MOG: variants seen among roughly 807,000 people sequenced by gnomAD.
MOG encodes myelin oligodendrocyte glycoprotein, also known as myelin-oligodendrocyte glycoprotein.
Under a neutral mutation model 35.9 loss-of-function variants are expected in MOG, and 20 were observed. That is an observed-to-expected ratio of 0.56 (90% CI 0.39 to 0.81). MOG has a LOEUF of 0.81. MOG is among the 30% of genes least tolerant of loss of function. The probability of loss-of-function intolerance (pLI) is 0.00; values close to 1 mark genes in which losing one functional copy is unlikely to be tolerated. For missense variants in MOG, 251 were observed against 301.0 expected (o/e 0.83, Z 1.23); for synonymous variants, 92 against 114.3 (o/e 0.80, Z 1.25).
chr6:29,659,544 T>C lies in MOG; in HGVS notation c.314T>C (p.Ile105Thr). The C allele has an allele frequency of 1.2e-6, 2 of 1,613,024 alleles. No individual in the cohort carries two copies. Among genetic ancestry groups the C allele is most frequent in the South Asian group, 1.1e-5 (1 of 91,080 alleles). The change falls in exon 2 of 8, where the codon ATT becomes ACT. Residue 105 changes from isoleucine (I) to threonine (T), a missense_variant. Coordinates refer to ENST00000376917, the MANE Select transcript of MOG (RefSeq NM_206809.4). ...RGRTELLKDA[I>T]GEGKVTLRIR... is the part of the protein sequence containing the mutation. The stretch of plus-strand genomic sequence containing the variant: ...CGGACAGAGCTGCTGAAAGATGCTA[T>C]TGGTGAGGGAAAGGTGACTCTCAGG...
intron 2 of MOG, chr6:29,661,997 T>C (rs3117286): frequency 0.036 from 35,277 of 985,306 alleles, 1,293 homozygotes; most frequent in African/African-American, 0.17. Flanking sequence ...GTCTAGGCTT[T>C]GGAGCCAGGA....
intron 2 of MOG, 60 bp from the exon 3 acceptor site, chr6:29,666,092 C>G: frequency 9.6e-7 from 1 of 1,039,544 alleles, no homozygotes; most frequent in Non-Finnish European, 1.5e-6. Flanking sequence ...GCCCCAGACA[C>G]CATGCTGAGT....
intron 2 of MOG, 161 bp downstream of exon 2, chr6:29,659,827 C>A (rs1583090878): frequency 1.5e-6 from 1 of 679,154 alleles, no homozygotes. Flanking sequence ...TTAGGGATGT[C>A]TGTTGCATCA....
chr6:29,666,436 C>T (rs187837243), intron 3 of MOG, among the ~76,000 whole-genome samples, 171 bp downstream of exon 3: 97 of 152,288 alleles, frequency 6.4e-4, no homozygotes, highest in Non-Finnish European at 9.9e-4. Context: ...TTACATCTTA[C>T]GGAATGCTTT....
At chr6:29,661,590 GC>G (rs1252557336) in intron 2 of MOG, 1 of 965,892 alleles carries the variant, frequency 1.0e-6, no homozygotes, top group African/African-American at 1.8e-5. Flanking sequence ...GGAGGCCGAG[GC>G]GGGTGGATCA....
chr6:29,670,071 T>C lies in MOG; in HGVS notation c.593-210T>C. 1.2e-6 allele frequency: 1 copy of C among 868,226 alleles called. No individual in the cohort carries two copies. 53.8% of individuals were successfully genotyped at this position (868,226 alleles called of 1,614,324 possible). ...GGCATGAGCCACCACACCTGGCAGT[T>C]GTTACATTTTTAATGAAAGAAAATG... On this transcript the variant is annotated intron_variant, in intron 5 of 7. Transcript: ENST00000376917. This position sits in a 1 kb window ranked among gnomAD's most constrained non-coding sequence, Gnocchi z 4.2.
intron 2 of MOG, chr6:29,661,374 T>C: frequency 3.0e-6 from 3 of 985,324 alleles, no homozygotes; most frequent in Non-Finnish European, 3.6e-6. Context: ...AGAATGTTCT[T>C]CATACAGCTG....
At chr6:29,658,866 C>T (rs1225315771) in intron 1 of MOG, among the ~76,000 whole-genome samples, 1 of 152,192 alleles carries the variant, frequency 6.6e-6, no homozygotes, top group Non-Finnish European at 1.5e-5. Flanking sequence ...ATAATCCCAG[C>T]GCTTTGGGGC....
chr6:29,670,963 C>A lies in MOG; in HGVS notation c.731-209C>A. 6.2e-7 allele frequency: 1 copy of A among 1,612,310 alleles called. No homozygotes were observed. The highest frequency in any genetic ancestry group is 8.5e-7 in the Non-Finnish European group (1 of 1,179,796). On this transcript the variant is annotated intron_variant, in intron 7 of 7. Coordinates refer to ENST00000376917, the MANE Select transcript of MOG (RefSeq NM_206809.4). This position sits in a 1 kb window ranked among gnomAD's most constrained non-coding sequence, Gnocchi z 4.2. ...CTCCTATCTGCCACCTGATCCATTC[C>A]TCCTTCACTGCCCCTAAGCAGGAAT...
At chr6:29,661,513 T>G (rs1027021678) in intron 2 of MOG, 1 of 985,222 alleles carries the variant, frequency 1.0e-6, no homozygotes, top group African/African-American at 1.7e-5. Context: ...ACTCCCTCAG[T>G]TTCACCACAC....
In MOG at chr6:29,670,349, T is replaced by G; in HGVS notation, c.661T>G (p.Leu221Val). The G allele has an allele frequency of 6.2e-7, 1 of 1,614,180 alleles. No individual in the cohort carries two copies. Among genetic ancestry groups the G allele is most frequent in the Non-Finnish European group, 8.5e-7 (1 of 1,180,026 alleles). Residue 221 changes from leucine to valine, a missense_variant, in exon 6 of 8, where the codon TTG becomes GTG. By Grantham distance (32) the Leu-to-Val change is conservative (BLOSUM62 1). Coordinates refer to ENST00000376917, the MANE Select transcript of MOG (RefSeq NM_206809.4). This position sits in a 1 kb window ranked among gnomAD's most constrained non-coding sequence, Gnocchi z 4.2. ...TGTAATTGTGCCGGTTCTTGGACCC[T>G]TGGTTGCCTTGATCATCTGCTACAA... The part of the protein sequence containing the change: ...LFVIVPVLGP[L>V]VALIICYNWL...
intron 1 of MOG, 118 bp downstream of exon 1, chr6:29,657,415 CCTA>C (rs1417047638): frequency 1.2e-6 from 1 of 815,250 alleles, no homozygotes; most frequent in African/African-American, 1.7e-5. Flanking sequence ...AAAACATAGA[CCTA>C]CTGACATGCC....
Position 29,667,944 on chromosome 6 carries a change from G to C in MOG, c.592+20G>C, listed in dbSNP as rs763054832. The C allele has an allele frequency of 6.2e-7, 1 of 1,612,760 alleles. No homozygotes were observed. On this transcript the variant is annotated intron_variant, in intron 5 of 7. Transcript: ENST00000376917. ...CTTTTGGTAAGTTCCGGCATGTCTA[G>C]GCCCTCCCAGGTCAACTTGGTATTT...
Position 29,662,707 on chromosome 6 carries a change from G to C in MOG, c.436+3041G>C, listed in dbSNP as rs1257029452. 3.0e-4 allele frequency among the ~76,000 whole-genome samples: 46 copies of C among 152,052 alleles called. 1 individual carries two copies. Among genetic ancestry groups the C allele is most frequent in the Admixed American group, 3.0e-3 (46 of 15,256 alleles). ...AGACAGGATCTGTCTCTGTCACCCA[G>C]GCTGGAGTGTAGTGGCATATCTCTG... On this transcript the variant is annotated intron_variant, in intron 2 of 7. Coordinates refer to ENST00000376917, the MANE Select transcript of MOG (RefSeq NM_206809.4). This position sits in a 1 kb window ranked among gnomAD's most constrained non-coding sequence, Gnocchi z 4.2.
rs1318002556 is a variant in MOG, at chr6:29,660,503, A to C, written c.436+837A>C. 1.2e-4 allele frequency among the ~76,000 whole-genome samples: 17 copies of C among 141,602 alleles called. No homozygotes were observed. In the South Asian group the frequency reaches 4.2e-3, roughly 35 times the overall value. 92.9% of individuals were successfully genotyped at this position (141,602 alleles called of 152,430 possible). On this transcript the variant is annotated intron_variant, in intron 2 of 7. Transcript: ENST00000376917. ...CAAAATCCTTCCACTGCACTCCAGCATGGGGGACACAGCGAGACTCCGTCT... is the reference window on the plus strand; with the variant it reads ...CAAAATCCTTCCACTGCACTCCAGCCTGGGGGACACAGCGAGACTCCGTCT...
At chr6:29,669,284 A>ATTTC (rs71820879) in intron 5 of MOG, among the ~76,000 whole-genome samples, 2,919 of 151,020 alleles carry the variant, frequency 0.019, 41 homozygotes, top group Admixed American at 0.036. Context: ...ATAACCTGTA[A>ATTTC]TTTCTTTCTT....
rs1357772290 is a variant in MOG, at chr6:29,662,991, C to A, written c.437-3161C>A. On this transcript the variant is annotated intron_variant, in intron 2 of 7. Coordinates refer to ENST00000376917, the MANE Select transcript of MOG (RefSeq NM_206809.4). This position sits in a 1 kb window ranked among gnomAD's most constrained non-coding sequence, Gnocchi z 4.2. The stretch of plus-strand genomic sequence containing the variant: ...AACACTTTTTAAAAAATAAATAGGC[C>A]GGGCGCGGTGGCTCACACCTGTAAT... Among the ~76,000 whole-genome samples, 3 of 152,116 alleles carry A rather than the reference C, an allele frequency of 2.0e-5. No individual in the cohort carries two copies. The highest frequency in any genetic ancestry group is 7.2e-5 in the African/African-American group (3 of 41,424).
chr6:29,669,661 G>T (rs1480630107), intron 5 of MOG, among the ~76,000 whole-genome samples: 2 of 152,110 alleles, frequency 1.3e-5, no homozygotes, highest in African/African-American at 2.4e-5. Flanking sequence ...AACTCTAATG[G>T]GAATGAAAAC....
intron 2 of MOG, among the ~76,000 whole-genome samples, chr6:29,660,371 A>G (rs575462431): frequency 2.3e-4 from 35 of 150,988 alleles, no homozygotes; most frequent in Non-Finnish European, 3.0e-4. Context: ...AATACAAAAA[A>G]AAAAAAAAAA....
Sources: allele counts gnomAD v4.1 joint callset (sites outside exome capture counted in the v4.1 genomes callset), GRCh38; gene constraint gnomAD v4.1.1; non-coding constraint Gnocchi (gnomAD v3.1); transcripts MANE v1.5; gene names NCBI Gene and HGNC (gene_info 2026-07-23, HGNC 2026-07-21).